The following DEPDC5 variants were observed in gnomAD, a reference collection of about 807,000 sequenced individuals.
The protein encoded by DEPDC5 is GATOR1 complex protein DEPDC5.
Under a neutral mutation model 217.3 loss-of-function variants are expected in DEPDC5, and 73 were observed. That is an observed-to-expected ratio of 0.34 (90% CI 0.28 to 0.41). The LOEUF (loss-of-function observed/expected upper bound fraction) is 0.41. DEPDC5 is among the 10% of genes least tolerant of loss of function. The probability of loss-of-function intolerance (pLI) is 1.00; values close to 1 mark genes in which losing one functional copy is unlikely to be tolerated. For synonymous variants in DEPDC5, 733 were observed against 756.7 expected (o/e 0.97, Z 0.51); for missense variants, 1,675 against 2,070.1 (o/e 0.81, Z 3.70).
rs147102870 is a variant in DEPDC5, at chr22:31,784,445, A to G, written c.563-369A>G. 5.9e-4 allele frequency: 122 copies of G among 205,138 alleles called. No homozygotes were observed. In the East Asian group the frequency reaches 0.015, roughly 26 times the overall value. 12.7% of individuals were successfully genotyped at this position (205,138 alleles called of 1,614,324 possible). ...GGAGTTGGAGACCAGCCTGACCAAC[A>G]TCGGGAAACCCCATACCTACTAAAA... is the stretch of plus-strand genomic sequence containing the variant. On this transcript the variant is annotated intron_variant, in intron 9 of 42. Coordinates refer to ENST00000651528, the MANE Select transcript of DEPDC5 (RefSeq NM_001242896.3).
chr22:31,776,572 C>CTTTT lies in DEPDC5; in HGVS notation c.414-1509_414-1506dup, dbSNP rs34058587. Among the ~76,000 whole-genome samples the CTTTT allele has an allele frequency of 6.7e-4, 70 of 104,116 alleles. 1 individual carries two copies. Among genetic ancestry groups the CTTTT allele is most frequent in the African/African-American group, 1.0e-3 (27 of 26,346 alleles). 68.3% of individuals were successfully genotyped at this position (104,116 alleles called of 152,430 possible). On this transcript the variant is annotated intron_variant, in intron 7 of 42. Transcript: ENST00000651528. ...TTTACTTTTTCTACTGTACTATTCA[C>CTTTT]TTTTTTTTTTTTTTTTTTTTTGAGG...
rs1260433001 is a variant in DEPDC5, at chr22:31,905,673, T to C, written c.4437-311T>C. Among the ~76,000 whole-genome samples the C allele has an allele frequency of 3.3e-5, 5 of 151,334 alleles. 1 individual carries two copies. Among genetic ancestry groups the C allele is most frequent in the Admixed American group, 3.3e-4 (5 of 15,198 alleles). ...GAGGGACGGGCTGTCTGAGCAGAGA[T>C]GAAGGCTGGATGAAGAGTGCAGCCG... On this transcript the variant is annotated intron_variant, in intron 41 of 42. Transcript: ENST00000651528.
At chr22:31,884,487 C>G (rs1602723519) in intron 38 of DEPDC5, among the ~76,000 whole-genome samples, 1 of 152,220 alleles carries the variant, frequency 6.6e-6, no homozygotes, top group East Asian at 1.9e-4. Flanking sequence ...TGCCCTGCAA[C>G]AGCATTTGTC....
rs755787760 is a variant in DEPDC5 at position 31,810,625 on chromosome 22, T to G, written c.1429T>G (p.Cys477Gly). 6 of 1,614,210 alleles carry G rather than the reference T, an allele frequency of 3.7e-6. No homozygotes were observed. The South Asian group carries it at 5.5e-5, about 15-fold the overall frequency. The change falls in exon 20 of 43, where the codon TGC becomes GGC. Residue 477 changes from cysteine (C) to glycine (G), a missense_variant. By Grantham distance (159) the Cys-to-Gly change is radical. Coordinates refer to ENST00000651528, the MANE Select transcript of DEPDC5 (RefSeq NM_001242896.3). The stretch of plus-strand genomic sequence containing the variant: ...GCTGCCCGGCCCATCCCGGGCCCAG[T>G]GCCTCACCACCTGCAGGTTTTCTGC... ...FRLPGPSRAQ[C>G]LTTCRSVRER...
intron 24 of DEPDC5, 154 bp downstream of exon 24, chr22:31,822,944 A>G (rs945764985): frequency 1.5e-6 from 1 of 683,338 alleles, no homozygotes; most frequent in Non-Finnish European, 2.5e-6. Context: ...TCTATAATGC[A>G]TGGAATTAAA....
In DEPDC5 at chr22:31,888,837, C is replaced by T. The variant is rs571026731; in HGVS notation, c.4034-4745C>T. Among the ~76,000 whole-genome samples the T allele has an allele frequency of 9.8e-5, 15 of 152,328 alleles. No homozygotes were observed. The East Asian group carries it at 1.9e-3, about 20-fold the overall frequency. On this transcript the variant is annotated intron_variant, in intron 38 of 42. Transcript: ENST00000651528. ...CTAAGATTACAGGCGTGAGCCACTG[C>T]GCTCGGCCCCAGCCTTTTCTTGACG...
chr22:31,861,928 A>G (rs999283471), intron 33 of DEPDC5, among the ~76,000 whole-genome samples: 1 of 152,210 alleles, frequency 6.6e-6, no homozygotes, highest in Non-Finnish European at 1.5e-5. Context: ...ATTTCACTTA[A>G]ATTATTTGTC....
At chr22:31,812,420 C>CTTTTTTTTT (rs57618137) in intron 20 of DEPDC5, among the ~76,000 whole-genome samples, 6 of 98,286 alleles carry the variant, frequency 6.1e-5, no homozygotes, top group Non-Finnish European at 5.8e-5. Context: ...TTCCATATTT[C>CTTTTTTTTT]TTTTTTTTTT....
Position 31,838,800 on chromosome 22 carries a change from C to T in DEPDC5, c.2470C>T (p.Pro824Ser), listed in dbSNP as rs1357973408. ...IVQPKTQKPN[P>S]AVPPPLSSSP... ...GCAGCCCAAGACACAGAAACCCAAT[C>T]CTGCTGTCCCGCCCCCGCTGAGCAG... Residue 824 changes from proline to serine, a missense_variant, in exon 27 of 43, where the codon CCT (proline) becomes TCT (serine). Pro to Ser is a moderately conservative substitution (Grantham distance 74). Around this residue, in one of 11 missense-constraint regions of DEPDC5, gnomAD observed 293 missense variants for 386.1 expected, o/e 0.76. Transcript: ENST00000651528. The T allele has an allele frequency of 6.8e-6, 11 of 1,614,144 alleles. No individual in the cohort carries two copies. The highest frequency in any genetic ancestry group is 9.3e-6 in the Non-Finnish European group (11 of 1,180,010).
intron 26 of DEPDC5, 197 bp downstream of exon 26, chr22:31,837,352 CT>C (rs763885915): frequency 0.21 from 99,225 of 471,234 alleles, no homozygotes; most frequent in East Asian, 0.27. Flanking sequence ...TTTTTTTTTC[CT>C]TTTTTTTTTT....
At chr22:31,808,285 G>GTC (rs1178237765) in intron 18 of DEPDC5, among the ~76,000 whole-genome samples, 1 of 146,674 alleles carries the variant, frequency 6.8e-6, no homozygotes, top group African/African-American at 2.5e-5. Context: ...TTGAGATGGA[G>GTC]TCTCTCTCTC....
Position 31,793,817 on chromosome 22 carries a change from A to G in DEPDC5, c.767+1000A>G, listed in dbSNP as rs376890860. On this transcript the variant is annotated intron_variant, in intron 12 of 42. Coordinates refer to ENST00000651528, the MANE Select transcript of DEPDC5 (RefSeq NM_001242896.3). ...AATCCTGACCTCAGCTGATCCACCCACCTCGGCCTCCCAAAATGCTGGGAT... is the reference window on the plus strand; with the variant it reads ...AATCCTGACCTCAGCTGATCCACCCGCCTCGGCCTCCCAAAATGCTGGGAT... Among the ~76,000 whole-genome samples, 11 of 152,146 alleles carry G rather than the reference A, an allele frequency of 7.2e-5. No individual in the cohort carries two copies. In the East Asian group the frequency reaches 1.9e-3, roughly 27 times the overall value.
At chr22:31,773,700 T>G (rs940794310) in intron 7 of DEPDC5, among the ~76,000 whole-genome samples, 3 of 152,208 alleles carry the variant, frequency 2.0e-5, no homozygotes, top group Admixed American at 2.0e-4. Context: ...GTATAGTCAT[T>G]TGTATAGTTA....
At chr22:31,756,953 A>C (rs1299908886) in intron 2 of DEPDC5, among the ~76,000 whole-genome samples, 1 of 151,762 alleles carries the variant, frequency 6.6e-6, no homozygotes, top group African/African-American at 2.4e-5. Flanking sequence ...AAAAAAAGAA[A>C]CAACCAACAG....
intron 38 of DEPDC5, among the ~76,000 whole-genome samples, chr22:31,884,824 T>TC: frequency 6.6e-6 from 1 of 152,298 alleles, no homozygotes; most frequent in Middle Eastern, 3.4e-3. Flanking sequence ...CCCTGCTGTT[T>TC]CCCCGCAACA....
Position 31,901,769 on chromosome 22 carries a change from G to A in DEPDC5, c.4403G>A (p.Arg1468Gln), listed in dbSNP as rs780509997. The change falls in exon 41 of 43, where the codon CGA becomes CAA. Residue 1468 changes from arginine to glutamine, a missense_variant. Physicochemically the swap from Arg to Gln is conservative, Grantham distance 43. This residue lies in a region of DEPDC5 where 182 missense variants were observed against 290.1 expected (regional missense o/e 0.63). Coordinates refer to ENST00000651528, the MANE Select transcript of DEPDC5 (RefSeq NM_001242896.3). ...TTTGAACCCGAAACGTACTGGGATC[G>A]AATGCACCTCTTCCAGGAAGCCATT... ...DSFEPETYWD[R>Q]MHLFQEAIAH... 8 of 1,613,480 alleles carry A rather than the reference G, an allele frequency of 5.0e-6. No homozygotes were observed. Among genetic ancestry groups the A allele is most frequent in the Non-Finnish European group, 5.1e-6 (6 of 1,179,712 alleles).
rs746751382 is a variant in DEPDC5, at chr22:31,804,229, T to G, written c.1143+6T>G. 8 of 1,614,068 alleles carry G rather than the reference T, an allele frequency of 5.0e-6. No individual in the cohort carries two copies. Among genetic ancestry groups the G allele is most frequent in the Admixed American group, 1.7e-5 (1 of 60,008 alleles). On this transcript the variant is annotated splice_donor_region_variant and intron_variant, in intron 16 of 42. Transcript: ENST00000651528. ...ATGCTGTCCCATTGTTCAAGGTAAT[T>G]AGATTTCGGATTTGTTTACTAAAGG...
At chr22:31,851,598 G>A (rs754567624) in intron 31 of DEPDC5, among the ~76,000 whole-genome samples, 77 of 152,314 alleles carry the variant, frequency 5.1e-4, no homozygotes, top group African/African-American at 1.7e-3. Flanking sequence ...TGTGTGCCAT[G>A]CCTGGCACAT....
chr22:31,784,939 G>A, intron 10 of DEPDC5, 64 bp downstream of exon 10: 2 of 1,472,616 alleles, frequency 1.4e-6, no homozygotes, highest in Non-Finnish European at 1.9e-6. Context: ...TTTTTAAAAT[G>A]CACTGTTTTT....
Sources: gnomAD v4.1 joint callset for allele counts (sites outside exome capture counted in the v4.1 genomes callset) on GRCh38, gnomAD v4.1.1 for gene constraint, gnomAD v4.1.1 regional missense constraint, MANE v1.5 for transcripts, NCBI Gene and HGNC (gene_info 2026-07-23, HGNC 2026-07-21) for gene names.